Variants in TRPM3 observed in about 807,000 individuals in gnomAD.
TRPM3 encodes long transient receptor potential channel 3.
A neutral mutation model predicts 181.2 loss-of-function variants in TRPM3; 77 were observed. That is an observed-to-expected ratio of 0.42 (90% CI 0.35 to 0.51). TRPM3 has a LOEUF of 0.51. Ranked by LOEUF, TRPM3 falls within the 20% of genes least tolerant of loss-of-function variation. The pLI is 0.01. For synonymous variants in TRPM3, 745 were observed against 796.4 expected, an observed-to-expected ratio of 0.94 and a Z score of 1.09; for missense variants, 1,759 against 2,196.7, an observed-to-expected ratio of 0.80 and a Z score of 3.98.
intron 6 of TRPM3, among the ~76,000 whole-genome samples, chr9:70,821,974 T>A (rs181178866): frequency 3.9e-5 from 6 of 152,362 alleles, no homozygotes; most frequent in African/African-American, 1.4e-4. Context: ...ATTTTCCTAG[T>A]CTGTTCATTC....
At chr9:70,842,363 T>C (rs1170155196) in intron 5 of TRPM3, among the ~76,000 whole-genome samples, 1 of 152,088 alleles carries the variant, frequency 6.6e-6, no homozygotes, top group African/African-American at 2.4e-5. Context: ...ATGACATTTA[T>C]TTTTTAATTC....
At chr9:70,592,881 C>T (rs1456072842) in intron 21 of TRPM3, among the ~76,000 whole-genome samples, 1 of 152,040 alleles carries the variant, frequency 6.6e-6, no homozygotes, top group Non-Finnish European at 1.5e-5. Context: ...AGGTGTGCAC[C>T]ACCATGCCCC....
At chr9:70,861,956 G>A (rs2095532342) in intron 3 of TRPM3, among the ~76,000 whole-genome samples, 4 of 151,880 alleles carry the variant, frequency 2.6e-5, no homozygotes, top group Admixed American at 2.6e-4. Context: ...CAGGGAAAGG[G>A]GAAGAGGAGA....
At chr9:70,955,107 T>C (rs181187202) in intron 1 of TRPM3, among the ~76,000 whole-genome samples, 2 of 152,282 alleles carry the variant, frequency 1.3e-5, no homozygotes, top group East Asian at 1.9e-4. Flanking sequence ...TTTGTTTCTA[T>C]AGCCCATCCA....
chr9:71,290,922 A>C (rs544117596), intron 1 of TRPM3, among the ~76,000 whole-genome samples: 5 of 152,254 alleles, frequency 3.3e-5, no homozygotes, highest in Admixed American at 3.3e-4. Flanking sequence ...AAAAAAGAAA[A>C]CAGCACAAGC....
At chr9:70,856,693 T>C (rs2132276455) in intron 3 of TRPM3, among the ~76,000 whole-genome samples, 1 of 152,176 alleles carries the variant, frequency 6.6e-6, no homozygotes, top group Non-Finnish European at 1.5e-5. Flanking sequence ...AGTTAGAGCT[T>C]TAAGTGTGAA....
At chr9:71,333,889 T>C (rs934871731) in intron 1 of TRPM3, among the ~76,000 whole-genome samples, 3 of 151,910 alleles carry the variant, frequency 2.0e-5, no homozygotes, top group Non-Finnish European at 2.9e-5. Flanking sequence ...CTATTTAAGT[T>C]GAAAACCAAT....
At chr9:70,847,314 T>C (rs1004383554) in intron 3 of TRPM3, among the ~76,000 whole-genome samples, 1 of 152,206 alleles carries the variant, frequency 6.6e-6, no homozygotes, top group Non-Finnish European at 1.5e-5. Context: ...TAGATACTCA[T>C]TTAGGTCTCA....
chr9:71,289,025 A>AT (rs1368835702), intron 1 of TRPM3, among the ~76,000 whole-genome samples: 1 of 152,130 alleles, frequency 6.6e-6, no homozygotes, highest in Non-Finnish European at 1.5e-5. Context: ...ACAGTCCCTC[A>AT]TATACACATT....
intron 22 of TRPM3, among the ~76,000 whole-genome samples, chr9:70,573,479 A>G (rs1457418204): frequency 6.6e-6 from 1 of 152,206 alleles, no homozygotes; most frequent in African/African-American, 2.4e-5. Flanking sequence ...AGCTGTGTGG[A>G]CAGAGAACAA....
intron 1 of TRPM3, among the ~76,000 whole-genome samples, chr9:71,173,478 T>C (rs1053862485): frequency 3.3e-5 from 5 of 152,200 alleles, no homozygotes; most frequent in African/African-American, 9.6e-5. Context: ...ACCATATATG[T>C]CTTATATTTG....
At chr9:71,428,600 T>C (rs1001252692) in intron 1 of TRPM3, among the ~76,000 whole-genome samples, 1 of 152,184 alleles carries the variant, frequency 6.6e-6, no homozygotes, top group Non-Finnish European at 1.5e-5. Flanking sequence ...TGACTGTTTA[T>C]ATCATTGATG....
chr9:70,828,084 TCAGA>T (rs1238243884), intron 5 of TRPM3, 66 bp from the exon 6 acceptor site: 16 of 1,458,230 alleles, frequency 1.1e-5, no homozygotes, highest in Non-Finnish European at 1.3e-5. Flanking sequence ...AAAAGGAGAA[TCAGA>T]CAGAGGAAAG....
intron 1 of TRPM3, among the ~76,000 whole-genome samples, chr9:71,273,842 C>T (rs968325769): frequency 1.8e-4 from 27 of 152,208 alleles, no homozygotes; most frequent in African/African-American, 5.8e-4. Context: ...TAACCTTGAT[C>T]TCCATATTGG....
intron 17 of TRPM3, among the ~76,000 whole-genome samples, chr9:70,617,952 A>G (rs1355907890): frequency 6.6e-6 from 1 of 152,122 alleles, no homozygotes; most frequent in Non-Finnish European, 1.5e-5. Context: ...GTGACAGAGC[A>G]AGACCTTGTC....
At chr9:71,014,929 A>T (rs1412921535) in intron 1 of TRPM3, among the ~76,000 whole-genome samples, 1 of 152,134 alleles carries the variant, frequency 6.6e-6, no homozygotes, top group African/African-American at 2.4e-5. Context: ...CTTTCTCCAT[A>T]TAATCAGCTT....
intron 1 of TRPM3, among the ~76,000 whole-genome samples, chr9:70,871,713 G>A (rs968584276): frequency 2.0e-5 from 3 of 152,004 alleles, no homozygotes; most frequent in Non-Finnish European, 4.4e-5. Flanking sequence ...ACCTGACAAT[G>A]CAACTCCCAA....
chr9:71,271,894 A>G (rs1055466026), intron 1 of TRPM3, among the ~76,000 whole-genome samples: 2 of 152,306 alleles, frequency 1.3e-5, no homozygotes, highest in Non-Finnish European at 2.9e-5. Flanking sequence ...AAAAAAAGAT[A>G]AAGATCTATT....
chr9:70,570,065 T>G (rs2051787515), intron 22 of TRPM3, among the ~76,000 whole-genome samples: 1 of 152,078 alleles, frequency 6.6e-6, no homozygotes, highest in Admixed American at 6.5e-5. Context: ...CACGTGTACA[T>G]AAGTCTGAAA....
Sources: allele counts gnomAD v4.1 joint callset (sites outside exome capture counted in the v4.1 genomes callset), GRCh38; gene constraint gnomAD v4.1.1; transcripts MANE v1.5; gene names NCBI Gene and HGNC (gene_info 2026-07-23, HGNC 2026-07-21).